Variants in AMDHD2 observed in about 807,000 individuals in gnomAD.
The protein encoded by AMDHD2 is amidohydrolase domain containing 2, also known as N-acetylglucosamine-6-phosphate deacetylase.
AMDHD2 carries 24 observed loss-of-function variants against 41.8 expected under a neutral mutation model. That is an observed-to-expected ratio of 0.57 (90% CI 0.42 to 0.81). The LOEUF is 0.81. Ranked by LOEUF, AMDHD2 falls within the 30% of genes least tolerant of loss-of-function variation. AMDHD2 has a pLI of 0.00. For synonymous variants in AMDHD2, 332 were observed against 255.5 expected, an observed-to-expected ratio of 1.30 and a Z score of -2.85; for missense variants, 540 against 588.5, an observed-to-expected ratio of 0.92 and a Z score of 0.85.
rs1332908818 is a variant in AMDHD2 at position 2,528,100 on chromosome 16, G to A, written c.669G>A (p.Val223=). Reference sequence around the variant, plus strand: ...ACCTGCGGGCGGCAGAGGATGCTGTGTGGAGCGGAGCCACCTTCATCACCC... The same window carrying A: ...ACCTGCGGGCGGCAGAGGATGCTGTATGGAGCGGAGCCACCTTCATCACCC... ...VADLRAAEDA[V]WSGATFITHL... Residue 223 remains valine, a synonymous_variant, in exon 6 of 11, where the codon GTG becomes GTA. Coordinates refer to ENST00000293971, the MANE Select transcript of AMDHD2 (RefSeq NM_001330449.2). The A allele has an allele frequency of 1.1e-5, 17 of 1,613,118 alleles. No individual in the cohort carries two copies. Among genetic ancestry groups the A allele is most frequent in the East Asian group, 2.2e-5 (1 of 44,884 alleles).
In AMDHD2 at chr16:2,530,571, C is replaced by T. The variant is rs2066077107; in HGVS notation, c.*1008C>T. The T allele has an allele frequency of 3.7e-6, 6 of 1,614,194 alleles. No homozygotes were observed. The highest frequency in any genetic ancestry group is 1.7e-5 in the Admixed American group (1 of 60,032). On this transcript the variant is annotated 3_prime_UTR_variant, in exon 11 of 11. Transcript: ENST00000293971. ...GTTCTGGGGTGGGTGGCTCCCTTCC[C>T]CCTTGCTTACAGGTGCTGTCCTGGG...
chr16:2,528,937 C>T (rs1238797292), intron 9 of AMDHD2, 57 bp from the exon 10 acceptor site: 21 of 1,525,196 alleles, frequency 1.4e-5, no homozygotes, highest in Non-Finnish European at 1.8e-5. Flanking sequence ...TGGTTGGGGG[C>T]TGTTGGCAAA....
chr16:2,530,981 C>G lies in AMDHD2; in HGVS notation c.*1418C>G, dbSNP rs766962908. 8 of 1,613,246 alleles carry G rather than the reference C, an allele frequency of 5.0e-6. No homozygotes were observed. Among genetic ancestry groups the G allele is most frequent in the Non-Finnish European group, 6.8e-6 (8 of 1,179,838 alleles). ...GAGCTGTCTTGCCAGGGCTCCCAGGCAGGGAGAGGCAGGTGAGGTTCTCAG... is the reference window on the plus strand; with the variant it reads ...GAGCTGTCTTGCCAGGGCTCCCAGGGAGGGAGAGGCAGGTGAGGTTCTCAG... On this transcript the variant is annotated 3_prime_UTR_variant, in exon 11 of 11. Coordinates refer to ENST00000293971, the MANE Select transcript of AMDHD2 (RefSeq NM_001330449.2).
chr16:2,521,836 T>C (rs1468216039), intron 3 of AMDHD2, among the ~76,000 whole-genome samples: 1 of 142,458 alleles, frequency 7.0e-6, no homozygotes, highest in East Asian at 2.0e-4. Context: ...CAGGCTGGAG[T>C]GCAGTGGCAC....
At position 2,530,029 on chromosome 16, in the gene AMDHD2, A is replaced by T; in HGVS notation, c.*466A>T. 2 of 752,250 alleles carry T rather than the reference A, an allele frequency of 2.7e-6. No individual in the cohort carries two copies. 46.6% of individuals were successfully genotyped at this position (752,250 alleles called of 1,614,324 possible). A position where few individuals can be genotyped will look rare whatever the true frequency, so the allele number is the denominator to read the frequency against. ...AGGGGACCAGTCACAGGGAGTGTGG[A>T]CAGTCAGGGGTTTGCTTTCTGCTCC... On this transcript the variant is annotated 3_prime_UTR_variant, in exon 11 of 11. Transcript: ENST00000293971.
intron 7 of AMDHD2, 33 bp downstream of exon 7, chr16:2,528,413 A>G: frequency 6.2e-7 from 1 of 1,612,776 alleles, no homozygotes; most frequent in Non-Finnish European, 8.5e-7. Context: ...GACAGGTAGG[A>G]TGACTGGGCT....
At position 2,520,486 on chromosome 16, in the gene AMDHD2, G is replaced by A. The variant is rs1008715460; in HGVS notation, c.28G>A (p.Ala10Thr). The change falls in exon 1 of 11, where the codon GCC becomes ACC. Residue 10 changes from alanine (A) to threonine (T), a missense_variant. Coordinates refer to ENST00000293971, the MANE Select transcript of AMDHD2 (RefSeq NM_001330449.2). MRGEQGAAG[A>T]RVLQFTNCRI... ...GCGCGGCGAGCAGGGCGCGGCGGGG[G>A]CCCGCGTGCTCCAGTTCACTAACTG... 26 of 1,233,340 alleles carry A rather than the reference G, an allele frequency of 2.1e-5. No homozygotes were observed. In the Admixed American group the frequency reaches 2.6e-4, roughly 12 times the overall value. 76.4% of individuals were successfully genotyped at this position (1,233,340 alleles called of 1,614,324 possible).
chr16:2,520,689 G>T (rs2065922377), intron 1 of AMDHD2, 80 bp from the exon 2 acceptor site: 1 of 1,405,480 alleles, frequency 7.1e-7, no homozygotes, highest in African/African-American at 1.5e-5. Flanking sequence ...GCAGGGTGCG[G>T]GGCCGGGGAC....
rs760394919 is a variant in AMDHD2, at chr16:2,528,579, GGGTCCCA to G, written c.970+29_970+35del. 4 of 1,612,644 alleles carry G rather than the reference GGGTCCCA, an allele frequency of 2.5e-6. No individual in the cohort carries two copies. The highest frequency in any genetic ancestry group is 3.4e-6 in the Non-Finnish European group (4 of 1,179,924). ...TGGCAGGTGAGCGCCCTGACCCACT[GGGTCCCA>G]GGTCCCAGCCCGCATGCCAGGTGGC... is the stretch of plus-strand genomic sequence containing the variant. On this transcript the variant is annotated intron_variant, in intron 8 of 10. Coordinates refer to ENST00000293971, the MANE Select transcript of AMDHD2 (RefSeq NM_001330449.2).
At chr16:2,523,033 G>A (rs1186954731) in intron 3 of AMDHD2, among the ~76,000 whole-genome samples, 10 of 151,832 alleles carry the variant, frequency 6.6e-5, no homozygotes, top group African/African-American at 2.2e-4. Context: ...TAGTAGAGAC[G>A]GGGTTTCACC....
Position 2,520,911 on chromosome 16 carries a change from G to T in AMDHD2, c.220+6G>T. ...CATCGACGTGCAGATCAACGGTGCG[G>T]CCCGGGGCCGGCAGGGGAACCCAGG... On this transcript the variant is annotated splice_donor_region_variant and intron_variant, in intron 2 of 10. Transcript: ENST00000293971. The T allele has an allele frequency of 2.5e-6, 4 of 1,602,666 alleles. No individual in the cohort carries two copies. The South Asian group carries it at 3.3e-5, about 13-fold the overall frequency.
chr16:2,529,675 A>G lies in AMDHD2; in HGVS notation c.*112A>G. On this transcript the variant is annotated 3_prime_UTR_variant, in exon 11 of 11. Coordinates refer to ENST00000293971, the MANE Select transcript of AMDHD2 (RefSeq NM_001330449.2). ...CGGGAGCCCTGCTGGATTGATGCCC[A>G]GGGCCTGTGCGGCCGCCCTGGAGGC... The G allele has an allele frequency of 6.5e-7, 1 of 1,544,238 alleles. No individual in the cohort carries two copies. Among genetic ancestry groups the G allele is most frequent in the East Asian group, 2.4e-5 (1 of 42,388 alleles).
chr16:2,525,135 C>T (rs2065987013), intron 3 of AMDHD2, among the ~76,000 whole-genome samples: 1 of 151,846 alleles, frequency 6.6e-6, no homozygotes, highest in South Asian at 2.1e-4. Flanking sequence ...CTGCTCACTG[C>T]AACCTCTGCC....
chr16:2,522,765 C>T (rs964606496), intron 3 of AMDHD2, among the ~76,000 whole-genome samples: 3 of 151,936 alleles, frequency 2.0e-5, no homozygotes, highest in African/African-American at 2.4e-5. Flanking sequence ...TCTACTGCCT[C>T]GGCCTCCCAT....
Position 2,521,040 on chromosome 16 carries a change from C to A in AMDHD2, c.277C>A (p.Leu93Ile). The A allele has an allele frequency of 1.2e-6, 2 of 1,611,414 alleles. No homozygotes were observed. Among genetic ancestry groups the A allele is most frequent in the Non-Finnish European group, 1.7e-6 (2 of 1,178,566 alleles). The stretch of plus-strand genomic sequence containing the variant: ...GGAGGACGTGGGTTCGGGGGTTGCC[C>A]TCGTGGCCCGGAGGATCCTGTCGCA... ...ATEDVGSGVA[L>I]VARRILSHGV... The change falls in exon 3 of 11, where the codon CTC becomes ATC. Residue 93 changes from leucine (L) to isoleucine (I), a missense_variant. By Grantham distance (5) the Leu-to-Ile change is conservative. Coordinates refer to ENST00000293971, the MANE Select transcript of AMDHD2 (RefSeq NM_001330449.2).
In AMDHD2 at chr16:2,521,036, T is replaced by A; in HGVS notation, c.273T>A (p.Val91=). The change falls in exon 3 of 11, where the codon GTT becomes GTA. Residue 91 remains valine (V), a synonymous_variant. Coordinates refer to ENST00000293971, the MANE Select transcript of AMDHD2 (RefSeq NM_001330449.2). ...CCACGGAGGACGTGGGTTCGGGGGTTGCCCTCGTGGCCCGGAGGATCCTGT... is the reference window on the plus strand; with the variant it reads ...CCACGGAGGACGTGGGTTCGGGGGTAGCCCTCGTGGCCCGGAGGATCCTGT... ...SQATEDVGSG[V]ALVARRILSH... The A allele has an allele frequency of 6.2e-7, 1 of 1,611,398 alleles. No individual in the cohort carries two copies. Among genetic ancestry groups the A allele is most frequent in the East Asian group, 2.2e-5 (1 of 44,674 alleles).
At position 2,520,831 on chromosome 16, in the gene AMDHD2, G is replaced by A. The variant is rs770939501; in HGVS notation, c.146G>A (p.Arg49Gln). ...CCAGAGAAGCTGTTCTTTGAGGAGC[G>A]GCGCGTGGCCGACGAGCGGCGGGAC... Reference protein sequence around the residue: ...LDPEKLFFEERRVADERRDCG... With the variant: ...LDPEKLFFEEQRVADERRDCG... Residue 49 changes from arginine (R) to glutamine (Q), a missense_variant, in exon 2 of 11, where the codon CGG becomes CAG. Coordinates refer to ENST00000293971, the MANE Select transcript of AMDHD2 (RefSeq NM_001330449.2). 11 of 1,611,788 alleles carry A rather than the reference G, an allele frequency of 6.8e-6. No homozygotes were observed. Among genetic ancestry groups the A allele is most frequent in the East Asian group, 2.2e-5 (1 of 44,832 alleles).
chr16:2,527,912 G>A lies in AMDHD2; in HGVS notation c.555G>A (p.Thr185=), dbSNP rs769793933. The A allele has an allele frequency of 2.3e-5, 36 of 1,596,344 alleles. No homozygotes were observed. Among genetic ancestry groups the A allele is most frequent in the Admixed American group, 3.4e-5 (2 of 59,402 alleles). The change falls in exon 5 of 11, where the codon ACG becomes ACA. Residue 185 remains threonine (T), a synonymous_variant. Coordinates refer to ENST00000293971, the MANE Select transcript of AMDHD2 (RefSeq NM_001330449.2). The surrounding 1 kb of genome is among the most constrained non-coding windows in gnomAD (Gnocchi z 6.1). ...YGPLDNVRIV[T]LAPELGRSHE... Reference sequence around the variant, plus strand: ...CCCTGGACAATGTCCGCATCGTGACGCTGGCCCCAGAGTTGGGCCGTAGCC... The same window carrying A: ...CCCTGGACAATGTCCGCATCGTGACACTGGCCCCAGAGTTGGGCCGTAGCC...
At chr16:2,524,366 T>G (rs1779678138) in intron 3 of AMDHD2, among the ~76,000 whole-genome samples, 1 of 152,222 alleles carries the variant, frequency 6.6e-6, no homozygotes, top group South Asian at 2.1e-4. Context: ...GTCTGTTACC[T>G]CCTGAGCCAA....
Sources: allele counts gnomAD v4.1 joint callset (sites outside exome capture counted in the v4.1 genomes callset), GRCh38; gene constraint gnomAD v4.1.1; non-coding constraint Gnocchi (gnomAD v3.1); transcripts MANE v1.5; gene names NCBI Gene and HGNC (gene_info 2026-07-23, HGNC 2026-07-21).